ANK3: variants seen among roughly 807,000 people sequenced by gnomAD.
ANK3 encodes ankyrin-3.
Under a neutral mutation model 370.9 loss-of-function variants are expected in ANK3, and 57 were observed. That is an observed-to-expected ratio of 0.15 (90% CI 0.12 to 0.19). The LOEUF (loss-of-function observed/expected upper bound fraction) is 0.19. Among genes scored for constraint, ANK3 ranks in the 10% least tolerant of loss-of-function variants. The probability of loss-of-function intolerance (pLI) is 1.00; values close to 1 mark genes in which losing one functional copy is unlikely to be tolerated. For missense variants in ANK3, 4,439 were observed against 5,302.1 expected, an observed-to-expected ratio of 0.84 and a Z score of 5.06; for synonymous variants, 1,929 against 1,946.3, an observed-to-expected ratio of 0.99 and a Z score of 0.23.
chr10:60,547,115 G>A (rs1439778821), intron 2 of ANK3, among the ~76,000 whole-genome samples: 1 of 143,708 alleles, frequency 7.0e-6, no homozygotes, highest in Admixed American at 7.0e-5. Context: ...TTTTGAGAAG[G>A]AGTCTGGCTC....
At chr10:60,686,764 TTTG>T (rs2079273674) in intron 1 of ANK3, among the ~76,000 whole-genome samples, 1 of 152,190 alleles carries the variant, frequency 6.6e-6, no homozygotes, top group Non-Finnish European at 1.5e-5. Flanking sequence ...AACTCATTAT[TTTG>T]TTAATTATGT....
At chr10:60,709,544 T>G (rs959394054) in intron 1 of ANK3, among the ~76,000 whole-genome samples, 40 of 152,016 alleles carry the variant, frequency 2.6e-4, no homozygotes, top group Admixed American at 5.9e-4. Context: ...TACAGTAAGA[T>G]AGAGAAAATA....
At chr10:60,566,171 G>GATGGAAACCTTA (rs1424325501) in intron 2 of ANK3, among the ~76,000 whole-genome samples, 14 of 152,144 alleles carry the variant, frequency 9.2e-5, no homozygotes, top group Non-Finnish European at 2.1e-4. Context: ...ATCCATATAA[G>GATGGAAACCTTA]ATGGAAACCT....
intron 1 of ANK3, among the ~76,000 whole-genome samples, chr10:60,694,338 G>A (rs980200898): frequency 6.6e-6 from 1 of 152,184 alleles, no homozygotes; most frequent in Non-Finnish European, 1.5e-5. Context: ...ATATTATCCA[G>A]GAGAACTTCC....
At chr10:60,191,865 TTAGA>T (rs773208280) in intron 16 of ANK3, among the ~76,000 whole-genome samples, 14 of 152,266 alleles carry the variant, frequency 9.2e-5, no homozygotes, top group Non-Finnish European at 1.9e-4. Flanking sequence ...CAATGGATGA[TTAGA>T]TAAAGAATAT....
At chr10:60,630,555 G>T (rs1011343881) in intron 1 of ANK3, among the ~76,000 whole-genome samples, 22 of 152,194 alleles carry the variant, frequency 1.4e-4, no homozygotes, top group African/African-American at 5.3e-4. Flanking sequence ...GTGATTAGAG[G>T]ATTCTTAAGA....
intron 1 of ANK3, among the ~76,000 whole-genome samples, chr10:60,659,402 C>T (rs184929366): frequency 1.1e-4 from 16 of 152,114 alleles, no homozygotes; most frequent in South Asian, 8.3e-4. Context: ...ATCTGCTCTG[C>T]GACACTTTCC....
At chr10:60,334,190 CT>C (rs1170807894) in intron 1 of ANK3, among the ~76,000 whole-genome samples, 1 of 152,146 alleles carries the variant, frequency 6.6e-6, no homozygotes, top group Non-Finnish European at 1.5e-5. Flanking sequence ...ACTTTTTCCC[CT>C]AATAAAGATT....
In ANK3 at chr10:60,236,947, G is replaced by A. The variant is rs116166942; in HGVS notation, c.799-2161C>T. Among the ~76,000 whole-genome samples, 1,172 of 152,338 alleles carry A rather than the reference G, an allele frequency of 7.7e-3. 18 individuals are homozygous for A. The highest frequency in any genetic ancestry group is 0.027 in the African/African-American group (1,115 of 41,572). ...GCACATGCAATATGTAAAGAAATGG[G>A]AGCGGTTGTGTTTCTAAAACTTTAT... is the stretch of plus-strand genomic sequence containing the variant. On this transcript the variant is annotated intron_variant, in intron 7 of 43. Transcript: ENST00000280772.
chr10:60,561,109 T>C (rs2077324636), intron 2 of ANK3, among the ~76,000 whole-genome samples: 1 of 152,128 alleles, frequency 6.6e-6, no homozygotes, highest in South Asian at 2.1e-4. Context: ...CTCTCAGAAA[T>C]TATGTGGAGG....
intron 2 of ANK3, among the ~76,000 whole-genome samples, chr10:60,486,479 C>CTGAGGCAGGAGAATCACT (rs1233508763): frequency 6.6e-6 from 1 of 152,162 alleles, no homozygotes; most frequent in Non-Finnish European, 1.5e-5. Flanking sequence ...ACTTGGGATG[C>CTGAGGCAGGAGAATCACT]TGAGGCAGGA....
chr10:60,620,365 G>T (rs1268811839), intron 1 of ANK3, among the ~76,000 whole-genome samples: 4 of 152,106 alleles, frequency 2.6e-5, no homozygotes, highest in Admixed American at 1.3e-4. Context: ...CCTTGTATCT[G>T]TCAGGTACTG....
intron 38 of ANK3, among the ~76,000 whole-genome samples, chr10:60,066,915 CTTTTA>C (rs898245296): frequency 7.2e-5 from 11 of 152,092 alleles, no homozygotes; most frequent in Admixed American, 5.9e-4. Flanking sequence ...ATCTCATCAT[CTTTTA>C]TTTTATTTTG....
intron 7 of ANK3, 40 bp from the exon 8 acceptor site, chr10:60,234,826 G>A (rs1242874162): frequency 7.1e-7 from 1 of 1,411,818 alleles, no homozygotes; most frequent in Admixed American, 1.7e-5. Context: ...GATATTTTTG[G>A]TTTCAACAAA....
chr10:60,645,705 AC>A (rs2078701582), intron 1 of ANK3, among the ~76,000 whole-genome samples: 1 of 152,016 alleles, frequency 6.6e-6, no homozygotes, highest in African/African-American at 2.4e-5. Context: ...AGCCTGGTCA[AC>A]AGAGTGAGAT....
In ANK3 at chr10:60,085,176, T is replaced by C. The variant is rs765764518; in HGVS notation, c.3826A>G (p.Thr1276Ala). 3 of 1,612,648 alleles carry C rather than the reference T, an allele frequency of 1.9e-6. No individual in the cohort carries two copies. The highest frequency in any genetic ancestry group is 2.5e-6 in the Non-Finnish European group (3 of 1,179,372). The change falls in exon 31 of 44, where the codon ACA becomes GCA. Residue 1276 changes from threonine (T) to alanine (A), a missense_variant. By Grantham distance (58) the Thr-to-Ala change is moderately conservative. Coordinates refer to ENST00000280772, the MANE Select transcript of ANK3 (RefSeq NM_020987.5). ...LTFIKDCVSF[T>A]TNVSARFWLA... ...CCATACCTGGCTGAAACATTGGTTG[T>C]AAAGGAGACACAATCTTTTATAAAC...
chr10:60,209,810 A>C, intron 9 of ANK3, among the ~76,000 whole-genome samples: 1 of 152,198 alleles, frequency 6.6e-6, no homozygotes, highest in East Asian at 1.9e-4. Context: ...ATCCCACAAA[A>C]TCTGAGAGAA....
intron 1 of ANK3, among the ~76,000 whole-genome samples, chr10:60,386,762 C>T (rs908359231): frequency 6.6e-6 from 1 of 152,152 alleles, no homozygotes; most frequent in African/African-American, 2.4e-5. Context: ...TTGCTCAAAC[C>T]TGAACTGCAG....
At chr10:60,157,772 C>CA (rs912845748) in intron 23 of ANK3, among the ~76,000 whole-genome samples, 2 of 148,878 alleles carry the variant, frequency 1.3e-5, no homozygotes, top group Admixed American at 6.7e-5. Context: ...GCAGAAAAAA[C>CA]AAAAAAATAA....
Sources: allele counts gnomAD v4.1 joint callset (sites outside exome capture counted in the v4.1 genomes callset), GRCh38; gene constraint gnomAD v4.1.1; transcripts MANE v1.5; gene names NCBI Gene and HGNC (gene_info 2026-07-23, HGNC 2026-07-21).